B4GALNT1: variants seen among roughly 807,000 people sequenced by gnomAD.
The protein encoded by B4GALNT1 is beta-1,4 N-acetylgalactosaminyltransferase 1.
In B4GALNT1, 43 loss-of-function variants were observed where a neutral mutation model predicts 55.2. The observed-to-expected ratio is 0.78, with a 90% CI of 0.61 to 1.00. The LOEUF is 1.00. Ranked by LOEUF, B4GALNT1 falls within the 50% of genes least tolerant of loss-of-function variation. The probability of loss-of-function intolerance (pLI) is 0.00; values close to 1 mark genes in which losing one functional copy is unlikely to be tolerated. For synonymous variants in B4GALNT1, 305 were observed against 311.6 expected (o/e 0.98, Z 0.22); for missense variants, 664 against 729.7 (o/e 0.91, Z 1.04).
Position 57,631,042 on chromosome 12 carries a change from G to T in B4GALNT1, c.428C>A (p.Ser143Tyr). The T allele has an allele frequency of 1.2e-6, 2 of 1,613,178 alleles. No individual in the cohort carries two copies. Reference protein sequence around the residue: ...ADQLLIAPANSPLQYPLQGVE... With the variant: ...ADQLLIAPANYPLQYPLQGVE... ...ACCCTGTAGGGGGTACTGGAGCGGG[G>T]AGTTGGCAGGGGCTATGAGCAGCTG... is the stretch of plus-strand genomic sequence containing the variant. The change falls in exon 4 of 11, where the codon TCC (serine) becomes TAC (tyrosine). Residue 143 changes from serine to tyrosine, a missense_variant. Ser to Tyr is a moderately radical substitution (Grantham distance 144). Coordinates refer to ENST00000341156, the MANE Select transcript of B4GALNT1 (RefSeq NM_001478.5).
chr12:57,624,785 A>G lies in B4GALNT1; in HGVS notation c.*1959T>C, dbSNP rs1594971818. The G allele has an allele frequency of 7.1e-6, 9 of 1,272,826 alleles. No homozygotes were observed. The East Asian group carries it at 2.1e-4, about 30-fold the overall frequency. 78.8% of individuals were successfully genotyped at this position (1,272,826 alleles called of 1,614,324 possible). On this transcript the variant is annotated 3_prime_UTR_variant, in exon 11 of 11. Transcript: ENST00000341156. ...AGAGCTCTACAGACCACTCAGAGGA[A>G]GCCCCAGGGTGGGTGGGCTGCAGCC...
chr12:57,623,601 A>T lies in B4GALNT1; in HGVS notation c.*3143T>A, dbSNP rs1275602716. 1.7e-5 allele frequency: 9 copies of T among 541,170 alleles called. No homozygotes were observed. Among genetic ancestry groups the T allele is most frequent in the Non-Finnish European group, 3.0e-5 (9 of 305,066 alleles). The allele number at this position is 541,170 out of a possible 1,614,324, so 33.5% of individuals were successfully genotyped here. ...TGGAGGTGGGCTACAAAACTGGGGA[A>T]CTTGAACAATGGACATCTACAAGGA... On this transcript the variant is annotated 3_prime_UTR_variant, in exon 11 of 11. Coordinates refer to ENST00000341156, the MANE Select transcript of B4GALNT1 (RefSeq NM_001478.5).
chr12:57,628,915 G>A lies in B4GALNT1; in HGVS notation c.812-12C>T. The A allele has an allele frequency of 3.7e-6, 6 of 1,614,124 alleles. No individual in the cohort carries two copies. The highest frequency in any genetic ancestry group is 5.1e-6 in the Non-Finnish European group (6 of 1,179,996). ...GATGTTGTACTGGGCTGAGATTGGG[G>A]GCACAGGGTTGGGTGCAGACAAGGA... is the stretch of plus-strand genomic sequence containing the variant. On this transcript the variant is annotated splice_polypyrimidine_tract_variant and intron_variant, in intron 7 of 10. Transcript: ENST00000341156.
Position 57,624,256 on chromosome 12 carries a change from G to C in B4GALNT1, c.*2488C>G, listed in dbSNP as rs372869137. 7 of 716,126 alleles carry C rather than the reference G, an allele frequency of 9.8e-6. No homozygotes were observed. The South Asian group carries it at 1.3e-4, about 13-fold the overall frequency. The allele number at this position is 716,126 out of a possible 1,614,324, so 44.4% of individuals were successfully genotyped here. A position where few individuals can be genotyped will look rare whatever the true frequency, so the allele number is the denominator to read the frequency against. On this transcript the variant is annotated 3_prime_UTR_variant, in exon 11 of 11. Coordinates refer to ENST00000341156, the MANE Select transcript of B4GALNT1 (RefSeq NM_001478.5). ...TAGTATGCTTTACTCACAGGCAAGG[G>C]AAAGGATGGGGTTTGAACCCCTTTG...
At position 57,624,764 on chromosome 12, in the gene B4GALNT1, C is replaced by T. The variant is rs765076494; in HGVS notation, c.*1980G>A. 1 of 1,052,698 alleles carries T rather than the reference C, an allele frequency of 9.5e-7. No homozygotes were observed. The highest frequency in any genetic ancestry group is 1.5e-6 in the Non-Finnish European group (1 of 668,060). The allele number at this position is 1,052,698 out of a possible 1,614,324, so 65.2% of individuals were successfully genotyped here. ...ACTTGGACAGGCTGAGGGGACAGAG[C>T]TCTACAGACCACTCAGAGGAAGCCC... On this transcript the variant is annotated 3_prime_UTR_variant, in exon 11 of 11. Coordinates refer to ENST00000341156, the MANE Select transcript of B4GALNT1 (RefSeq NM_001478.5).
chr12:57,632,692 G>GCGCCTCCTCC (rs564732562), intron 1 of B4GALNT1, 80 bp downstream of exon 1: 2,584 of 172,310 alleles, frequency 0.015, 76 homozygotes, highest in African/African-American at 0.058. Flanking sequence ...ACCGGGAAGC[G>GCGCCTCCTCC]CGCCTCCTCC....
rs1213329303 is a variant in B4GALNT1, at chr12:57,625,788, A to G, written c.*956T>C. ...GGAGACCCAGGGAGAGGGGTTTGGGAAAGGGTCTGAGGAAGATCAAGAAGA... is the reference window on the plus strand; with the variant it reads ...GGAGACCCAGGGAGAGGGGTTTGGGGAAGGGTCTGAGGAAGATCAAGAAGA... On this transcript the variant is annotated 3_prime_UTR_variant, in exon 11 of 11. Coordinates refer to ENST00000341156, the MANE Select transcript of B4GALNT1 (RefSeq NM_001478.5). 2.0e-6 allele frequency: 3 copies of G among 1,505,728 alleles called. No individual in the cohort carries two copies. The highest frequency in any genetic ancestry group is 2.7e-6 in the Non-Finnish European group (3 of 1,130,960). The allele number at this position is 1,505,728 out of a possible 1,614,324, so 93.3% of individuals were successfully genotyped here.
chr12:57,627,641 C>A lies in B4GALNT1; in HGVS notation c.1361G>T (p.Arg454Leu). 1 of 1,596,996 alleles carries A rather than the reference C, an allele frequency of 6.3e-7. No homozygotes were observed. The highest frequency in any genetic ancestry group is 8.6e-7 in the Non-Finnish European group (1 of 1,167,806). Residue 454 changes from arginine to leucine, a missense_variant, in exon 10 of 11, where the codon CGC becomes CTC. Arg to Leu is a moderately radical substitution (Grantham distance 102). Coordinates refer to ENST00000341156, the MANE Select transcript of B4GALNT1 (RefSeq NM_001478.5). Reference protein sequence around the residue: ...DKVREVGFDPRLSRVAHLEFF... With the variant: ...DKVREVGFDPLLSRVAHLEFF... ...ACCCAGATGAGCCACGCGGCTGAGG[C>A]GGGGGTCGAAACCGACCTCGCGCAC...
intron 6 of B4GALNT1, chr12:57,629,848 G>A: frequency 2.7e-6 from 4 of 1,490,352 alleles, no homozygotes; most frequent in South Asian, 2.6e-5. Flanking sequence ...CTAGTAAGGG[G>A]TGGGTTGGGA....
chr12:57,624,393 A>G lies in B4GALNT1; in HGVS notation c.*2351T>C. 1 of 609,766 alleles carries G rather than the reference A, an allele frequency of 1.6e-6. No homozygotes were observed. Among genetic ancestry groups the G allele is most frequent in the Non-Finnish European group, 3.1e-6 (1 of 319,278 alleles). 37.8% of individuals were successfully genotyped at this position (609,766 alleles called of 1,614,324 possible). On this transcript the variant is annotated 3_prime_UTR_variant, in exon 11 of 11. Coordinates refer to ENST00000341156, the MANE Select transcript of B4GALNT1 (RefSeq NM_001478.5). ...CATGCTTTCCACTTCTTCCTGGATCATCTCTCCCCATCACTTGCCTTGGTA... is the reference window on the plus strand; with the variant it reads ...CATGCTTTCCACTTCTTCCTGGATCGTCTCTCCCCATCACTTGCCTTGGTA...
In B4GALNT1 at chr12:57,632,002, T is replaced by C; in HGVS notation, c.131A>G (p.Gln44Arg). The C allele has an allele frequency of 1.4e-6, 2 of 1,453,258 alleles. No homozygotes were observed. Among genetic ancestry groups the C allele is most frequent in the Non-Finnish European group, 1.8e-6 (2 of 1,103,152 alleles). The allele number at this position is 1,453,258 out of a possible 1,614,324, so 90.0% of individuals were successfully genotyped here. Residue 44 changes from glutamine to arginine, a missense_variant, in exon 2 of 11, where the codon CAA (glutamine) becomes CGA (arginine). Coordinates refer to ENST00000341156, the MANE Select transcript of B4GALNT1 (RefSeq NM_001478.5). ...RLPLAPWAPP[Q>R]SPRRPELPDL... ...TGGCAGCTCGGGCCTGCGGGGGCTTTGCGGGGGCGCCCACGGCGCAAGAGG... is the reference window on the plus strand; with the variant it reads ...TGGCAGCTCGGGCCTGCGGGGGCTTCGCGGGGGCGCCCACGGCGCAAGAGG...
rs1460098018 is a variant in B4GALNT1 at position 57,631,793 on chromosome 12, C to T, written c.218+122G>A. The T allele has an allele frequency of 8.6e-6, 9 of 1,046,038 alleles. No individual in the cohort carries two copies. The East Asian group carries it at 2.0e-4, about 23-fold the overall frequency. The allele number at this position is 1,046,038 out of a possible 1,614,324, so 64.8% of individuals were successfully genotyped here. A position where few individuals can be genotyped will look rare whatever the true frequency, so the allele number is the denominator to read the frequency against. On this transcript the variant is annotated intron_variant, in intron 2 of 10. Transcript: ENST00000341156. The stretch of plus-strand genomic sequence containing the variant: ...CTCAGCAGCCTCCCACTTCCACCTC[C>T]CACTTCACTCCACACAGCCCGTTAG...
rs1234850112 is a variant in B4GALNT1 at position 57,626,820 on chromosome 12, G to C, written c.1526C>G (p.Ser509Ter). The C allele has an allele frequency of 6.2e-7, 1 of 1,614,206 alleles. No individual in the cohort carries two copies. Residue 509 changes from serine (S) to a stop codon, truncating the protein, a stop_gained, in exon 11 of 11, where the codon TCA becomes TGA. Coordinates refer to ENST00000341156, the MANE Select transcript of B4GALNT1 (RefSeq NM_001478.5). LOFTEE classifies it high-confidence loss of function. ...ETYARYRYPG[S>*]LDESQMAKHR... is the part of the protein sequence containing the mutation. ...TTTGGCCATCTGGCTCTCGTCCAGT[G>C]ATCCTGGGTAACGGTACCGGGCGTA...
At position 57,624,669 on chromosome 12, in the gene B4GALNT1, G is replaced by C. The variant is rs749711295; in HGVS notation, c.*2075C>G. The C allele has an allele frequency of 1.5e-5, 11 of 736,554 alleles. No individual in the cohort carries two copies. The highest frequency in any genetic ancestry group is 2.5e-5 in the Non-Finnish European group (10 of 395,116). The allele number at this position is 736,554 out of a possible 1,614,324, so 45.6% of individuals were successfully genotyped here. A position where few individuals can be genotyped will look rare whatever the true frequency, so the allele number is the denominator to read the frequency against. ...GGGAAGAGAATGAGGTGCTTGGGGTGACTCTCCAGCCAGGCCAGGCTAAGC... is the reference window on the plus strand; with the variant it reads ...GGGAAGAGAATGAGGTGCTTGGGGTCACTCTCCAGCCAGGCCAGGCTAAGC... On this transcript the variant is annotated 3_prime_UTR_variant, in exon 11 of 11. Coordinates refer to ENST00000341156, the MANE Select transcript of B4GALNT1 (RefSeq NM_001478.5).
chr12:57,627,043 G>A, intron 10 of B4GALNT1, 82 bp from the exon 11 acceptor site: 3 of 1,195,836 alleles, frequency 2.5e-6, no homozygotes, highest in South Asian at 2.7e-5. Flanking sequence ...CAAATTTAGG[G>A]TGTGGAAAGT....
Position 57,625,187 on chromosome 12 carries a change from G to A in B4GALNT1, c.*1557C>T, listed in dbSNP as rs1471197332. On this transcript the variant is annotated 3_prime_UTR_variant, in exon 11 of 11. Coordinates refer to ENST00000341156, the MANE Select transcript of B4GALNT1 (RefSeq NM_001478.5). ...ATGGGGTGACAAGAAGGAAGATTTGGGCATGTTGCATGGTGACACCTGGGT... is the reference window on the plus strand; with the variant it reads ...ATGGGGTGACAAGAAGGAAGATTTGAGCATGTTGCATGGTGACACCTGGGT... 1 of 1,614,038 alleles carries A rather than the reference G, an allele frequency of 6.2e-7. No individual in the cohort carries two copies.
At position 57,630,110 on chromosome 12, in the gene B4GALNT1, CTGTT is replaced by C. The variant is rs763452240; in HGVS notation, c.712+38_712+41del. On this transcript the variant is annotated intron_variant, in intron 6 of 10. Coordinates refer to ENST00000341156, the MANE Select transcript of B4GALNT1 (RefSeq NM_001478.5). ...CCACTCCAGCCTTTCTGGTTCTTCT[CTGTT>C]TGCCCAGCCTGCCCGTCTCTCCACC... 20 of 1,614,060 alleles carry C rather than the reference CTGTT, an allele frequency of 1.2e-5. 1 individual carries two copies. The South Asian group carries it at 2.2e-4, about 18-fold the overall frequency.
chr12:57,624,789 C>T lies in B4GALNT1; in HGVS notation c.*1955G>A, dbSNP rs1594971832. Reference sequence around the variant, plus strand: ...CTCTACAGACCACTCAGAGGAAGCCCCAGGGTGGGTGGGCTGCAGCCAAAG... The same window carrying T: ...CTCTACAGACCACTCAGAGGAAGCCTCAGGGTGGGTGGGCTGCAGCCAAAG... On this transcript the variant is annotated 3_prime_UTR_variant, in exon 11 of 11. Coordinates refer to ENST00000341156, the MANE Select transcript of B4GALNT1 (RefSeq NM_001478.5). The T allele has an allele frequency of 7.3e-7, 1 of 1,374,686 alleles. No homozygotes were observed. Among genetic ancestry groups the T allele is most frequent in the Non-Finnish European group, 1.0e-6 (1 of 962,152 alleles). The allele number at this position is 1,374,686 out of a possible 1,614,324, so 85.2% of individuals were successfully genotyped here.
chr12:57,623,440 C>T lies in B4GALNT1; in HGVS notation c.*3304G>A, dbSNP rs934189431. 19 of 463,640 alleles carry T rather than the reference C, an allele frequency of 4.1e-5. No homozygotes were observed. The highest frequency in any genetic ancestry group is 3.6e-4 in the African/African-American group (18 of 50,604). 28.7% of individuals were successfully genotyped at this position (463,640 alleles called of 1,614,324 possible). ...TAAGAGATAAAATTCTTATTTTTTTCACACAATGACATTGTCTTTTAAAAG... is the reference window on the plus strand; with the variant it reads ...TAAGAGATAAAATTCTTATTTTTTTTACACAATGACATTGTCTTTTAAAAG... On this transcript the variant is annotated 3_prime_UTR_variant, in exon 11 of 11. Coordinates refer to ENST00000341156, the MANE Select transcript of B4GALNT1 (RefSeq NM_001478.5).
Sources: gnomAD v4.1 joint callset for allele counts on GRCh38, gnomAD v4.1.1 for gene constraint, MANE v1.5 for transcripts, NCBI Gene and HGNC (gene_info 2026-07-23, HGNC 2026-07-21) for gene names.